The following PTGER3 variants were observed in gnomAD, a reference collection of about 807,000 sequenced individuals.
The protein encoded by PTGER3 is prostaglandin E2 receptor EP3 subtype.
PTGER3 carries 22 observed loss-of-function variants against 34.7 expected under a neutral mutation model. That is an observed-to-expected ratio of 0.63 (90% confidence interval 0.45 to 0.91). PTGER3 has a LOEUF of 0.91. Ranked by LOEUF, PTGER3 falls within the 40% of genes least tolerant of loss-of-function variation. The pLI is 0.00. For missense variants in PTGER3, 468 were observed against 519.4 expected (o/e 0.90, Z 0.96); for synonymous variants, 241 against 230.1 (o/e 1.05, Z -0.43).
intron 2 of PTGER3, among the ~76,000 whole-genome samples, chr1:70,984,048 T>G (rs1654657857): frequency 6.6e-6 from 1 of 152,148 alleles, no homozygotes; most frequent in African/African-American, 2.4e-5. Context: ...TTAGCTGTTG[T>G]GACTATCTGC....
At chr1:70,854,266 A>G (rs1448819636) in intron 4 of PTGER3, among the ~76,000 whole-genome samples, 1 of 152,208 alleles carries the variant, frequency 6.6e-6, no homozygotes, top group African/African-American at 2.4e-5. Flanking sequence ...AATGCCTATA[A>G]TTTAACAACA....
At chr1:71,039,582 A>G (rs1018218019) in intron 1 of PTGER3, among the ~76,000 whole-genome samples, 32 of 147,520 alleles carry the variant, frequency 2.2e-4, no homozygotes, top group African/African-American at 6.9e-4. Flanking sequence ...CCCGGGAGGC[A>G]GAGCTTGCAG....
intron 3 of PTGER3, among the ~76,000 whole-genome samples, chr1:70,973,434 C>A (rs770014966): frequency 1.3e-5 from 2 of 152,060 alleles, no homozygotes; most frequent in East Asian, 3.9e-4. Flanking sequence ...AAAACACATT[C>A]ATCTCTTCCT....
chr1:70,973,690 A>G (rs1653381467), intron 3 of PTGER3, among the ~76,000 whole-genome samples: 1 of 152,200 alleles, frequency 6.6e-6, no homozygotes, highest in African/African-American at 2.4e-5. Context: ...AGTCCTTCTT[A>G]AAAAGAAAAA....
intron 1 of PTGER3, among the ~76,000 whole-genome samples, chr1:71,042,477 T>C (rs1163070773): frequency 6.6e-6 from 1 of 152,054 alleles, no homozygotes; most frequent in Non-Finnish European, 1.5e-5. Context: ...TCTGAACAGA[T>C]TATAACATTA....
chr1:70,863,522 A>G (rs1645974625), intron 4 of PTGER3, among the ~76,000 whole-genome samples: 1 of 152,164 alleles, frequency 6.6e-6, no homozygotes, highest in African/African-American at 2.4e-5. Flanking sequence ...ATCATGAAAA[A>G]ATCTTTAAAG....
intron 2 of PTGER3, among the ~76,000 whole-genome samples, chr1:70,987,442 C>T (rs916629113): frequency 5.9e-5 from 9 of 152,152 alleles, no homozygotes; most frequent in African/African-American, 2.2e-4. Flanking sequence ...ATTAAATGCA[C>T]TCTTCTAGTA....
intron 2 of PTGER3, among the ~76,000 whole-genome samples, chr1:70,977,328 T>C (rs1177128375): frequency 6.6e-6 from 1 of 152,098 alleles, no homozygotes. Context: ...GCCTGATGCC[T>C]GTATTCACAG....
intron 1 of PTGER3, among the ~76,000 whole-genome samples, chr1:71,046,076 G>T (rs951513301): frequency 6.6e-6 from 1 of 151,124 alleles, no homozygotes; most frequent in Admixed American, 6.6e-5. Context: ...GGTGGATCAC[G>T]AGGTCAGGAG....
At chr1:70,997,487 T>G (rs1305980560) in intron 2 of PTGER3, among the ~76,000 whole-genome samples, 2 of 152,202 alleles carry the variant, frequency 1.3e-5, no homozygotes, top group East Asian at 1.9e-4. Flanking sequence ...CAAATTCATA[T>G]TGTTGGCAGA....
chr1:70,915,696 A>G (rs1647159664), intron 4 of PTGER3, among the ~76,000 whole-genome samples: 1 of 151,890 alleles, frequency 6.6e-6, no homozygotes, highest in South Asian at 2.1e-4. Context: ...TCTCAAAACC[A>G]TTTTCTGAAT....
At chr1:70,856,273 TA>T (rs990157576) in intron 4 of PTGER3, among the ~76,000 whole-genome samples, 1 of 151,754 alleles carries the variant, frequency 6.6e-6, no homozygotes, top group African/African-American at 2.4e-5. Context: ...ATTGAAGACA[TA>T]AAAAAGCTAC....
chr1:70,888,362 T>C (rs1232932895), intron 4 of PTGER3, among the ~76,000 whole-genome samples: 1 of 152,194 alleles, frequency 6.6e-6, no homozygotes, highest in Non-Finnish European at 1.5e-5. Flanking sequence ...GTAGATCCTA[T>C]TTTTTTCAGC....
At chr1:70,885,643 C>T (rs985727164) in intron 4 of PTGER3, among the ~76,000 whole-genome samples, 3 of 152,076 alleles carry the variant, frequency 2.0e-5, no homozygotes, top group Non-Finnish European at 2.9e-5. Context: ...AATTTAGAAA[C>T]TTTAATGTGT....
chr1:71,007,483 A>G (rs905483616), intron 2 of PTGER3: 13 of 985,376 alleles, frequency 1.3e-5, no homozygotes, highest in African/African-American at 1.7e-5. Context: ...ACTGATGCTC[A>G]AGTGTTCAAA....
intron 2 of PTGER3, among the ~76,000 whole-genome samples, chr1:70,988,788 TGATAAAGTCATCCCATCAGCCA>T (rs1655161048): frequency 6.6e-6 from 1 of 152,126 alleles, no homozygotes; most frequent in Non-Finnish European, 1.5e-5. Flanking sequence ...CCTAACATAG[TGATAAAGTCATCCCATCAGCCA>T]GAATAAATTC....
At chr1:70,897,997 T>A (rs1423453398) in intron 4 of PTGER3, among the ~76,000 whole-genome samples, 1 of 145,412 alleles carries the variant, frequency 6.9e-6, no homozygotes, top group African/African-American at 2.7e-5. Flanking sequence ...TGGTCCTCAC[T>A]GATTTAAAAA....
chr1:71,046,855 C>A lies in PTGER3; in HGVS notation c.723G>T (p.Ala241=), dbSNP rs1245147274. 1.9e-6 allele frequency: 3 copies of A among 1,614,026 alleles called. No individual in the cohort carries two copies. The highest frequency in any genetic ancestry group is 1.1e-5 in the South Asian group (1 of 91,054). Reference sequence around the variant, plus strand: ...GGTTGCAGGAAAAGGTGACTGTCAGCGCCAAGAGCCCCAGGAAGGCAAAGG... The same window carrying A: ...GGTTGCAGGAAAAGGTGACTGTCAGAGCCAAGAGCCCCAGGAAGGCAAAGG... ...ASAFAFLGLL[A]LTVTFSCNLA... Residue 241 remains alanine, a synonymous_variant, in exon 1 of 4, where the codon GCG becomes GCT. Coordinates refer to ENST00000306666, the MANE Select transcript of PTGER3 (RefSeq NM_198719.2).
At chr1:71,032,218 G>A (rs1255680221) in intron 1 of PTGER3, among the ~76,000 whole-genome samples, 12 of 152,092 alleles carry the variant, frequency 7.9e-5, no homozygotes, top group East Asian at 1.9e-4. Context: ...TGAGATTTTC[G>A]TCTTATAAGG....
Sources: allele counts gnomAD v4.1 joint callset (sites outside exome capture counted in the v4.1 genomes callset), GRCh38; gene constraint gnomAD v4.1.1; transcripts MANE v1.5; gene names NCBI Gene and HGNC (gene_info 2026-07-23, HGNC 2026-07-21).